The following ZFP90 variants were observed in gnomAD, a reference collection of about 807,000 sequenced individuals.
ZFP90 encodes the protein ZFP90 zinc finger protein, also known as zinc finger protein 90 homolog.
Under a neutral mutation model 60.8 loss-of-function variants are expected in ZFP90, and 38 were observed. The ratio of observed to expected loss-of-function variants is 0.62; its 90% CI spans 0.48 to 0.82. The LOEUF (loss-of-function observed/expected upper bound fraction) is 0.82. ZFP90 is among the 40% of genes least tolerant of loss of function. The pLI, the probability that ZFP90 is intolerant of heterozygous loss-of-function variation, is 0.00. For missense variants in ZFP90, 711 were observed against 759.1 expected, an observed-to-expected ratio of 0.94 and a Z score of 0.74; for synonymous variants, 287 against 264.8, an observed-to-expected ratio of 1.08 and a Z score of -0.82.
At chr16:68,552,899 T>TA (rs1056753238) in intron 2 of ZFP90, among the ~76,000 whole-genome samples, 5 of 151,248 alleles carry the variant, frequency 3.3e-5, no homozygotes, top group South Asian at 2.1e-4. Context: ...TCTACAAAAG[T>TA]AAAAAAAATA....
chr16:68,542,499 G>C (rs2091069787), intron 2 of ZFP90, among the ~76,000 whole-genome samples: 1 of 152,124 alleles, frequency 6.6e-6, no homozygotes. Flanking sequence ...GCTGAGGCAG[G>C]AGAATCGCTT....
At chr16:68,534,136 C>G (rs763527953) in intron 2 of ZFP90, among the ~76,000 whole-genome samples, 3 of 151,928 alleles carry the variant, frequency 2.0e-5, no homozygotes, top group African/African-American at 7.3e-5. Flanking sequence ...ATAATTTCCT[C>G]AGATCGACCT....
intron 2 of ZFP90, among the ~76,000 whole-genome samples, chr16:68,540,698 A>G (rs2091027149): frequency 6.6e-6 from 1 of 151,200 alleles, no homozygotes; most frequent in African/African-American, 2.4e-5. Flanking sequence ...GTTGCCAGGT[A>G]CAGTGGGTCA....
chr16:68,553,082 C>T (rs561874547), intron 2 of ZFP90, among the ~76,000 whole-genome samples: 131 of 152,046 alleles, frequency 8.6e-4, no homozygotes, highest in Non-Finnish European at 1.5e-3. Flanking sequence ...ATTTGTGGAG[C>T]ACCTACTACA....
At chr16:68,557,752 A>C (rs2091368871) in intron 2 of ZFP90, among the ~76,000 whole-genome samples, 2 of 150,434 alleles carry the variant, frequency 1.3e-5, no homozygotes, top group South Asian at 4.3e-4. Flanking sequence ...CTTTGAAAGA[A>C]ACCAAGAAGA....
intron 2 of ZFP90, among the ~76,000 whole-genome samples, chr16:68,551,738 T>G (rs547365002): frequency 6.7e-6 from 1 of 148,876 alleles, no homozygotes; most frequent in African/African-American, 2.5e-5. Context: ...TTAATAACTT[T>G]GTTCGTTGCT....
Position 68,564,314 on chromosome 16 carries a change from T to G in ZFP90, c.1527T>G (p.Ser509Arg). ...CNVCGKAFKR[S>R]TSFIEHHRIH... is the part of the protein sequence containing the mutation. ...TATGTGGGAAAGCTTTCAAAAGGAG[T>G]ACAAGTTTCATAGAGCATCACAGAA... The change falls in exon 5 of 5, where the codon AGT becomes AGG. Residue 509 changes from serine (S) to arginine (R), a missense_variant. Around this residue, in one of 5 missense-constraint regions of ZFP90, gnomAD observed 295 missense variants for 274.0 expected, o/e 1.08. Transcript: ENST00000563169. The G allele has an allele frequency of 6.2e-7, 1 of 1,613,926 alleles. No homozygotes were observed. The highest frequency in any genetic ancestry group is 8.5e-7 in the Non-Finnish European group (1 of 1,179,960).
At position 68,539,882 on chromosome 16, in the gene ZFP90, C is replaced by T. The variant is rs149736320; in HGVS notation, c.33+57C>T. Reference sequence around the variant, plus strand: ...CCCATCCATCTATCCATCCCATCTCCCAAGGGTGTTTGGAGCAGTCATTGT... The same window carrying T: ...CCCATCCATCTATCCATCCCATCTCTCAAGGGTGTTTGGAGCAGTCATTGT... On this transcript the variant is annotated intron_variant, in intron 2 of 4. Coordinates refer to ENST00000563169, the MANE Select transcript of ZFP90 (RefSeq NM_001305203.2). 9.7e-5 allele frequency: 153 copies of T among 1,581,622 alleles called. 1 individual carries two copies. In the African/African-American group the frequency reaches 1.6e-3, roughly 16 times the overall value.
intron 2 of ZFP90, among the ~76,000 whole-genome samples, chr16:68,552,132 C>G (rs1327463798): frequency 6.6e-6 from 1 of 152,152 alleles, no homozygotes; most frequent in Non-Finnish European, 1.5e-5. Flanking sequence ...CAGCTATCTG[C>G]AAGGTGTTAC....
At chr16:68,571,640 A>G (rs2152078695), downstream of ZFP90, among the ~76,000 whole-genome samples, 1 of 152,294 alleles carries the variant, frequency 6.6e-6, no homozygotes, top group South Asian at 2.1e-4. Context: ...CTAAGAAAGA[A>G]GGGAGGGACC....
upstream of ZFP90, among the ~76,000 whole-genome samples, chr16:68,535,894 G>A (rs2090957249): frequency 6.6e-6 from 1 of 152,156 alleles, no homozygotes; most frequent in Admixed American, 6.5e-5. Context: ...AGAAGCAGAA[G>A]TGCATCTGTG....
At chr16:68,537,188 C>CA (rs776457205), upstream of ZFP90, among the ~76,000 whole-genome samples, 3 of 151,530 alleles carry the variant, frequency 2.0e-5, no homozygotes, top group African/African-American at 4.8e-5. Flanking sequence ...TGCAGTGGTG[C>CA]AATCTTGGCT....
chr16:68,539,645 TCCTCGCCA>T, intron 1 of ZFP90, 105 bp from the exon 2 acceptor site: 2 of 831,630 alleles, frequency 2.4e-6, no homozygotes, highest in Non-Finnish European at 3.4e-6. Context: ...GGTTCCACGG[TCCTCGCCA>T]CCATCTCCCC....
Position 68,565,961 on chromosome 16 carries a change from TAAAAA to T in ZFP90, c.*1274_*1278del, listed in dbSNP as rs58312180. The T allele has an allele frequency of 2.7e-5, 16 of 585,876 alleles. No individual in the cohort carries two copies. Among genetic ancestry groups the T allele is most frequent in the Non-Finnish European group, 3.4e-5 (16 of 470,692 alleles). 36.3% of individuals were successfully genotyped at this position (585,876 alleles called of 1,614,324 possible). A position where few individuals can be genotyped will look rare whatever the true frequency, so the allele number is the denominator to read the frequency against. ...ACAACATGGTGAAACCCCATCTCTT[TAAAAA>T]AAAAAAAAAATCCAAAAATTAGCTG... On this transcript the variant is annotated 3_prime_UTR_variant, in exon 5 of 5. Transcript: ENST00000563169.
At chr16:68,569,604 A>C (rs1020455091), downstream of ZFP90, among the ~76,000 whole-genome samples, 2 of 152,136 alleles carry the variant, frequency 1.3e-5, no homozygotes, top group Admixed American at 1.3e-4. Context: ...TGAGAACAAG[A>C]AAAGGAATCA....
chr16:68,542,010 G>A (rs2091058705), intron 2 of ZFP90, among the ~76,000 whole-genome samples: 3 of 152,174 alleles, frequency 2.0e-5, no homozygotes, highest in Admixed American at 6.6e-5. Context: ...AGGGATGAAG[G>A]ACAGAACAGA....
At chr16:68,573,882 T>G (rs2091580056) in intron 2 of ZFP90, 1 of 152,356 alleles carries the variant, frequency 6.6e-6, no homozygotes, top group South Asian at 2.1e-4. Context: ...ACTTCTGGGC[T>G]GAACGTCTTC....
chr16:68,544,836 T>C (rs904609227), intron 2 of ZFP90, among the ~76,000 whole-genome samples: 3 of 149,388 alleles, frequency 2.0e-5, no homozygotes, highest in African/African-American at 7.3e-5. Context: ...GTACCGCTCC[T>C]GTGTGTGCCC....
rs1269510862 is a variant in ZFP90, at chr16:68,563,318, T to A, written c.531T>A (p.Pro177=). 6.2e-7 allele frequency: 1 copy of A among 1,614,210 alleles called. No individual in the cohort carries two copies. Residue 177 remains proline, a synonymous_variant, in exon 5 of 5, where the codon CCT becomes CCA. Coordinates refer to ENST00000563169, the MANE Select transcript of ZFP90 (RefSeq NM_001305203.2). ...ATTTGGTTACACAACTGAACATTCC[T>A]GCAAGAATAAGGCCTAGTGAATGTG... The part of the protein sequence containing the change: ...NTNLVTQLNI[P]ARIRPSECET...
Sources: allele counts gnomAD v4.1 joint callset (sites outside exome capture counted in the v4.1 genomes callset), GRCh38; gene constraint gnomAD v4.1.1; regional missense constraint gnomAD v4.1.1; transcripts MANE v1.5; gene names NCBI Gene and HGNC (gene_info 2026-07-23, HGNC 2026-07-21).